EPG5: variants seen among roughly 807,000 people sequenced by gnomAD.
The protein encoded by EPG5 is ectopic P granules protein 5 homolog.
Under a neutral mutation model 302.7 loss-of-function variants are expected in EPG5, and 159 were observed. That is an observed-to-expected ratio of 0.53 (90% confidence interval 0.46 to 0.60). The LOEUF is 0.60. Ranked by LOEUF, EPG5 falls within the 20% of genes least tolerant of loss-of-function variation. The pLI, the probability that EPG5 is intolerant of heterozygous loss-of-function variation, is 0.00. For synonymous variants in EPG5, 1,158 were observed against 1,136.8 expected, an observed-to-expected ratio of 1.02 and a Z score of -0.37; for missense variants, 2,896 against 3,092.4, an observed-to-expected ratio of 0.94 and a Z score of 1.51.
intron 5 of EPG5, 117 bp from the exon 6 acceptor site, chr18:45,948,693 T>C: frequency 2.7e-6 from 2 of 741,134 alleles, no homozygotes; most frequent in Non-Finnish European, 2.3e-6. Context: ...CTGAAACTGG[T>C]ACCTAATACA....
downstream of EPG5, among the ~76,000 whole-genome samples, chr18:45,846,124 C>T (rs990156439): frequency 1.3e-5 from 2 of 152,098 alleles, no homozygotes; most frequent in African/African-American, 4.8e-5. Context: ...AGTCAAGCGT[C>T]CGGGTTTTGT....
chr18:45,947,920 T>C (rs895953326), intron 6 of EPG5, among the ~76,000 whole-genome samples: 5 of 152,008 alleles, frequency 3.3e-5, no homozygotes. Context: ...TTATAGGTGA[T>C]TACACCACCA....
chr18:45,867,867 A>C (rs2048780422), intron 36 of EPG5, 119 bp from the exon 37 acceptor site: 3 of 818,164 alleles, frequency 3.7e-6, no homozygotes, highest in Non-Finnish European at 5.9e-6. Context: ...AGATTATATC[A>C]CTTAGAATCC....
In EPG5 at chr18:45,874,198, T is replaced by C. The variant is rs190976701; in HGVS notation, c.6049+2038A>G. On this transcript the variant is annotated intron_variant, in intron 35 of 43. Transcript: ENST00000282041. Reference sequence around the variant, plus strand: ...TGCCTTAATGTAGGTTCATCAATTATAACAAATGTATCACCCTGGTGTGGA... The same window carrying C: ...TGCCTTAATGTAGGTTCATCAATTACAACAAATGTATCACCCTGGTGTGGA... Among the ~76,000 whole-genome samples, 429 of 152,332 alleles carry C rather than the reference T, an allele frequency of 2.8e-3. 1 individual carries two copies. The highest frequency in any genetic ancestry group is 7.0e-3 in the Admixed American group (107 of 15,304).
chr18:45,874,564 G>A (rs1243549767), intron 35 of EPG5, among the ~76,000 whole-genome samples: 1 of 152,184 alleles, frequency 6.6e-6, no homozygotes, highest in Admixed American at 6.5e-5. Context: ...AGGCAAGAGA[G>A]AGAATGAGAG....
chr18:45,967,083 G>T (rs988740812), intron 1 of EPG5, 94 bp downstream of exon 1: 2 of 1,260,726 alleles, frequency 1.6e-6, no homozygotes, highest in Non-Finnish European at 2.2e-6. Flanking sequence ...GAGGGCTCAG[G>T]GAACGGGAGT....
At chr18:45,948,011 G>A (rs1294466442) in intron 6 of EPG5, among the ~76,000 whole-genome samples, 1 of 152,080 alleles carries the variant, frequency 6.6e-6, no homozygotes, top group East Asian at 1.9e-4. Flanking sequence ...CTGCCCTCAG[G>A]TGATCCACCT....
At chr18:45,870,510 G>C in intron 36 of EPG5, 57 bp downstream of exon 36, 17 of 1,507,180 alleles carry the variant, frequency 1.1e-5, no homozygotes, top group Non-Finnish European at 1.5e-5. Context: ...CAGTGACCAG[G>C]CTGCTCCCTA....
chr18:45,915,726 A>G lies in EPG5; in HGVS notation c.3583-105T>C, dbSNP rs1009115278. 114 of 872,182 alleles carry G rather than the reference A, an allele frequency of 1.3e-4. 1 individual carries two copies. Among genetic ancestry groups the G allele is most frequent in the Middle Eastern group, 1.0e-3 (4 of 3,838 alleles). The allele number at this position is 872,182 out of a possible 1,614,324, so 54.0% of individuals were successfully genotyped here. A position where few individuals can be genotyped will look rare whatever the true frequency, so the allele number is the denominator to read the frequency against. The stretch of plus-strand genomic sequence containing the variant: ...TGTCTTACTACAATACAAGATTCTG[A>G]TAAGACAGAGATTTCAAGGATGAGT... On this transcript the variant is annotated intron_variant, in intron 19 of 43. Transcript: ENST00000282041.
At chr18:45,896,263 G>A (rs1419870141) in intron 27 of EPG5, among the ~76,000 whole-genome samples, 3 of 152,296 alleles carry the variant, frequency 2.0e-5, no homozygotes, top group Admixed American at 1.3e-4. Context: ...GGCTGCAGTC[G>A]ATACTATTAT....
At chr18:45,846,600 T>A (rs2048366739), downstream of EPG5, among the ~76,000 whole-genome samples, 3 of 149,866 alleles carry the variant, frequency 2.0e-5, no homozygotes, top group South Asian at 6.4e-4. Flanking sequence ...ATACTCATTT[T>A]AAAATGAGGA....
intron 11 of EPG5, among the ~76,000 whole-genome samples, chr18:45,931,642 C>A (rs1293617706): frequency 6.6e-6 from 1 of 152,110 alleles, no homozygotes; most frequent in Non-Finnish European, 1.5e-5. Context: ...TGAGGCCAGC[C>A]TGGCCAACAT....
At chr18:45,841,871 G>A in the EPG5 span, among the ~76,000 whole-genome samples, 3 of 152,114 alleles carry the variant, frequency 2.0e-5, no homozygotes, top group Non-Finnish European at 4.4e-5. Context: ...AGCCAGTCTT[G>A]AGGCCTCAGA....
chr18:45,839,122 C>A, the EPG5 span: 2 of 1,360,778 alleles, frequency 1.5e-6, no homozygotes, highest in Non-Finnish European at 1.9e-6. Flanking sequence ...CACGGGTGGC[C>A]GCGAGGGGCC....
At chr18:45,802,543 G>C in the EPG5 span, among the ~76,000 whole-genome samples, 1 of 151,538 alleles carries the variant, frequency 6.6e-6, no homozygotes, top group Non-Finnish European at 1.5e-5. Context: ...AAAAAAAAAA[G>C]TCTCTGGTCC....
chr18:45,960,909 G>A (rs567944445), intron 1 of EPG5, among the ~76,000 whole-genome samples: 2 of 152,028 alleles, frequency 1.3e-5, no homozygotes, highest in South Asian at 2.1e-4. Flanking sequence ...AATAGGCTTG[G>A]ATTCACATGT....
chr18:45,935,519 G>A (rs2050502412), intron 10 of EPG5, among the ~76,000 whole-genome samples: 1 of 152,184 alleles, frequency 6.6e-6, no homozygotes, highest in Non-Finnish European at 1.5e-5. Flanking sequence ...TCCAGCCTGG[G>A]CAACACGAGT....
chr18:45,907,231 T>A (rs1382442536), intron 24 of EPG5: 2 of 152,174 alleles, frequency 1.3e-5, no homozygotes, highest in African/African-American at 4.8e-5. Flanking sequence ...GTGTTTCAAC[T>A]CTTAGAGTTT....
rs187567316 is a variant in EPG5 at position 45,940,540 on chromosome 18, G to A, written c.1944-785C>T. 4.0e-5 allele frequency among the ~76,000 whole-genome samples: 6 copies of A among 151,756 alleles called. No homozygotes were observed. The East Asian group carries it at 9.6e-4, about 24-fold the overall frequency. On this transcript the variant is annotated intron_variant, in intron 9 of 43. Coordinates refer to ENST00000282041, the MANE Select transcript of EPG5 (RefSeq NM_020964.3). ...GAAATGGGGTGCTAGCAGTGAAGGC[G>A]GTAAGAAGCAGCTAGATTCTGGAAG...
Sources: gnomAD v4.1 joint callset for allele counts (sites outside exome capture counted in the v4.1 genomes callset) on GRCh38, gnomAD v4.1.1 for gene constraint, MANE v1.5 for transcripts, NCBI Gene and HGNC (gene_info 2026-07-23, HGNC 2026-07-21) for gene names.